SWAP70: variants seen among roughly 807,000 people sequenced by gnomAD.
The protein encoded by SWAP70 is switch-associated protein 70.
SWAP70 carries 34 observed loss-of-function variants against 80.2 expected under a neutral mutation model. That is an observed-to-expected ratio of 0.42 (90% CI 0.32 to 0.56). SWAP70 has a LOEUF of 0.56. SWAP70 is among the 20% of genes least tolerant of loss of function. SWAP70 has a pLI of 0.09. For missense variants in SWAP70, 578 were observed against 690.7 expected (o/e 0.84, Z 1.83); for synonymous variants, 239 against 238.5 (o/e 1.00, Z -0.02).
chr11:9,682,868 G>C lies in SWAP70; in HGVS notation c.100-11278G>C, dbSNP rs1836640. 1.6e-4 allele frequency among the ~76,000 whole-genome samples: 25 copies of C among 152,226 alleles called. 1 individual carries two copies. Among genetic ancestry groups the C allele is most frequent in the Admixed American group, 5.2e-4 (8 of 15,296 alleles). ...ATTTTTATGTTTTTAGTAGATACAG[G>C]GTTTTTGCCATGTTGGCAGGCTGGT... On this transcript the variant is annotated intron_variant, in intron 1 of 11. Transcript: ENST00000318950.
chr11:9,672,110 TATA>T (rs929600357), intron 1 of SWAP70, among the ~76,000 whole-genome samples: 1 of 129,704 alleles, frequency 7.7e-6, no homozygotes, highest in Non-Finnish European at 1.6e-5. Context: ...TATAATATAA[TATA>T]ATTTAAATGT....
chr11:9,711,177 C>T (rs1177740148), intron 2 of SWAP70, among the ~76,000 whole-genome samples: 1 of 152,054 alleles, frequency 6.6e-6, no homozygotes, highest in Non-Finnish European at 1.5e-5. Flanking sequence ...TTGCATCAGC[C>T]TCCCATAGTG....
At chr11:9,722,043 G>A (rs948353300) in intron 3 of SWAP70, among the ~76,000 whole-genome samples, 7 of 152,052 alleles carry the variant, frequency 4.6e-5, no homozygotes, top group African/African-American at 1.4e-4. Flanking sequence ...ACTTTCTTTT[G>A]TTTCATAAAT....
intron 1 of SWAP70, among the ~76,000 whole-genome samples, chr11:9,688,684 T>C (rs1193087290): frequency 8.5e-5 from 13 of 152,098 alleles, no homozygotes; most frequent in African/African-American, 3.1e-4. Context: ...GAAGATTTGG[T>C]GTAAGTGTCT....
At chr11:9,728,346 A>C in intron 5 of SWAP70, 147 bp downstream of exon 5, 2 of 956,772 alleles carry the variant, frequency 2.1e-6, no homozygotes, top group Non-Finnish European at 2.8e-6. Flanking sequence ...TGCAGTTGCC[A>C]TGGTTTCTGA....
chr11:9,669,515 C>T (rs978310682), intron 1 of SWAP70, among the ~76,000 whole-genome samples: 2 of 152,118 alleles, frequency 1.3e-5, no homozygotes, highest in Non-Finnish European at 2.9e-5. Context: ...TGGGCATGAG[C>T]GACCACGCCC....
intron 7 of SWAP70, among the ~76,000 whole-genome samples, chr11:9,734,286 T>A (rs980759861): frequency 2.0e-5 from 3 of 152,246 alleles, no homozygotes; most frequent in Non-Finnish European, 1.5e-5. Context: ...AATGGAATCA[T>A]ACAGAATGTA....
chr11:9,731,102 A>G (rs1851292803), intron 6 of SWAP70, among the ~76,000 whole-genome samples: 1 of 152,222 alleles, frequency 6.6e-6, no homozygotes, highest in Non-Finnish European at 1.5e-5. Flanking sequence ...GCTGCAGAAG[A>G]CATGATTTTG....
At chr11:9,743,160 T>C (rs1391813605) in intron 9 of SWAP70, among the ~76,000 whole-genome samples, 1 of 149,794 alleles carries the variant, frequency 6.7e-6, no homozygotes, top group African/African-American at 2.5e-5. Flanking sequence ...TTTGGTTTTT[T>C]GTTCTTGCGA....
rs1054660564 is a variant in SWAP70 at position 9,750,103 on chromosome 11, C to A, written c.*133C>A. 1.9e-6 allele frequency: 1 copy of A among 525,046 alleles called. No individual in the cohort carries two copies. Among genetic ancestry groups the A allele is most frequent in the Non-Finnish European group, 3.3e-6 (1 of 298,658 alleles). The allele number at this position is 525,046 out of a possible 1,614,324, so 32.5% of individuals were successfully genotyped here. A position where few individuals can be genotyped will look rare whatever the true frequency, so the allele number is the denominator to read the frequency against. ...CTGTAATCCCAGCACTTTGGGAGGCCGAGGCGGGTGGATCACCTGAGGTCA... is the reference window on the plus strand; with the variant it reads ...CTGTAATCCCAGCACTTTGGGAGGCAGAGGCGGGTGGATCACCTGAGGTCA... On this transcript the variant is annotated 3_prime_UTR_variant, in exon 12 of 12. Coordinates refer to ENST00000318950, the MANE Select transcript of SWAP70 (RefSeq NM_015055.4).
At chr11:9,680,131 C>T (rs536522852) in intron 1 of SWAP70, among the ~76,000 whole-genome samples, 1 of 152,104 alleles carries the variant, frequency 6.6e-6, no homozygotes, top group Admixed American at 6.5e-5. Context: ...TTGTTAGGCA[C>T]CCTGGGAAGA....
At chr11:9,678,323 A>C (rs1488039506) in intron 1 of SWAP70, among the ~76,000 whole-genome samples, 1 of 152,172 alleles carries the variant, frequency 6.6e-6, no homozygotes. Context: ...TTTTATGTAG[A>C]TATCACCAAA....
intron 3 of SWAP70, among the ~76,000 whole-genome samples, chr11:9,723,125 CT>C (rs1851161462): frequency 6.6e-6 from 1 of 152,054 alleles, no homozygotes; most frequent in African/African-American, 2.4e-5. Context: ...CAGGCTCTGG[CT>C]TTTGTTTTAG....
intron 1 of SWAP70, among the ~76,000 whole-genome samples, chr11:9,671,517 T>TATATAA (rs1333664818): frequency 1.0e-4 from 7 of 68,138 alleles, no homozygotes; most frequent in African/African-American, 4.7e-5. Flanking sequence ...TATAAATATA[T>TATATAA]ATATAAATAT....
At chr11:9,688,032 C>T (rs759217385) in intron 1 of SWAP70, among the ~76,000 whole-genome samples, 1 of 152,186 alleles carries the variant, frequency 6.6e-6, no homozygotes, top group Non-Finnish European at 1.5e-5. Context: ...GAGTTCTAGT[C>T]CCTACTTTGT....
rs562404409 is a variant in SWAP70, at chr11:9,717,369, C to T, written c.414+3730C>T. ...GTATTTTAGGCTAAGTGTGCTGGCT[C>T]AAGCCTATAATCCCAGCACTTTGGG... On this transcript the variant is annotated intron_variant, in intron 3 of 11. Transcript: ENST00000318950. 1.1e-4 allele frequency among the ~76,000 whole-genome samples: 17 copies of T among 152,270 alleles called. No individual in the cohort carries two copies. In the South Asian group the frequency reaches 3.3e-3, roughly 30 times the overall value.
At chr11:9,704,703 G>A (rs1195325770) in intron 2 of SWAP70, among the ~76,000 whole-genome samples, 1 of 152,084 alleles carries the variant, frequency 6.6e-6, no homozygotes, top group Non-Finnish European at 1.5e-5. Context: ...AGAGTTCCCT[G>A]TATTCCCCTT....
chr11:9,742,878 T>C (rs1851458709), intron 9 of SWAP70, among the ~76,000 whole-genome samples: 1 of 118,796 alleles, frequency 8.4e-6, no homozygotes, highest in Admixed American at 8.9e-5. Flanking sequence ...TTAACTCTTC[T>C]CACTCCTTTT....
intron 3 of SWAP70, among the ~76,000 whole-genome samples, chr11:9,718,762 T>G (rs1037327554): frequency 6.7e-6 from 1 of 149,852 alleles, no homozygotes; most frequent in African/African-American, 2.5e-5. Context: ...TGCATTTTGT[T>G]TAGAGTGTTT....
Sources: gnomAD v4.1 joint callset for allele counts (sites outside exome capture counted in the v4.1 genomes callset) on GRCh38, gnomAD v4.1.1 for gene constraint, MANE v1.5 for transcripts, NCBI Gene and HGNC (gene_info 2026-07-23, HGNC 2026-07-21) for gene names.